Variants in PTPRM observed in about 807,000 individuals in gnomAD.
PTPRM encodes the protein protein tyrosine phosphatase receptor type M.
In PTPRM, 47 loss-of-function variants were observed where a neutral mutation model predicts 186.7. That is an observed-to-expected ratio of 0.25 (90% CI 0.20 to 0.32). The LOEUF is 0.32. PTPRM is among the 10% of genes least tolerant of loss of function. The pLI, the probability that PTPRM is intolerant of heterozygous loss-of-function variation, is 1.00. For missense variants in PTPRM, 1,494 were observed against 1,865.0 expected (o/e 0.80, Z 3.66); for synonymous variants, 668 against 674.9 (o/e 0.99, Z 0.16).
intron 2 of PTPRM, among the ~76,000 whole-genome samples, chr18:7,792,922 C>T (rs1287372735): frequency 6.6e-6 from 1 of 152,028 alleles, no homozygotes; most frequent in Non-Finnish European, 1.5e-5. Flanking sequence ...ACCTTGGCCT[C>T]CCAGATATTA....
chr18:7,770,097 G>A (rs2042206043), intron 1 of PTPRM, among the ~76,000 whole-genome samples: 1 of 152,202 alleles, frequency 6.6e-6, no homozygotes, highest in African/African-American at 2.4e-5. Flanking sequence ...AGGTGTGACA[G>A]TTCTGGAGAA....
chr18:8,009,352 GA>G (rs1181782826), intron 7 of PTPRM, among the ~76,000 whole-genome samples: 1 of 150,182 alleles, frequency 6.7e-6, no homozygotes, highest in Non-Finnish European at 1.5e-5. Context: ...CTGAAAGCCT[GA>G]AAGAGCCCAT....
chr18:8,352,209 G>A (rs1309021285), intron 23 of PTPRM, among the ~76,000 whole-genome samples: 2 of 152,194 alleles, frequency 1.3e-5, no homozygotes, highest in African/African-American at 4.8e-5. Context: ...TACCAACAAA[G>A]GGACTCATTC....
chr18:8,266,699 G>A (rs2094704959), intron 19 of PTPRM, among the ~76,000 whole-genome samples: 1 of 152,142 alleles, frequency 6.6e-6, no homozygotes, highest in South Asian at 2.1e-4. Context: ...CACAAGGTGA[G>A]GAGTTTGAGA....
intron 7 of PTPRM, among the ~76,000 whole-genome samples, chr18:7,982,607 T>G (rs901667279): frequency 2.0e-5 from 3 of 152,106 alleles, no homozygotes; most frequent in Admixed American, 1.3e-4. Context: ...GTAACATAGT[T>G]GTCTATTATC....
intron 8 of PTPRM, among the ~76,000 whole-genome samples, chr18:8,075,842 G>T (rs992673826): frequency 6.6e-6 from 1 of 151,890 alleles, no homozygotes; most frequent in African/African-American, 2.4e-5. Flanking sequence ...TTATCATTCA[G>T]TGTTATGGTT....
chr18:7,654,063 G>A (rs992958937), intron 1 of PTPRM, among the ~76,000 whole-genome samples: 2 of 152,160 alleles, frequency 1.3e-5, no homozygotes, highest in African/African-American at 4.8e-5. Context: ...TTTCTCTAAT[G>A]ATCGGTGATG....
chr18:8,009,863 T>A (rs2084418409), intron 7 of PTPRM, among the ~76,000 whole-genome samples: 1 of 152,184 alleles, frequency 6.6e-6, no homozygotes, highest in Non-Finnish European at 1.5e-5. Context: ...TGAAAGAAAC[T>A]AGAACTCGAG....
intron 24 of PTPRM, 30 bp downstream of exon 24, chr18:8,371,036 T>C (rs1326048057): frequency 1.5e-6 from 2 of 1,376,626 alleles, no homozygotes; most frequent in Non-Finnish European, 2.1e-6. Flanking sequence ...TTAAAAGCTA[T>C]GGTCAGACAC....
chr18:8,404,385 G>T (rs1460158982), intron 32 of PTPRM: 1 of 152,228 alleles, frequency 6.6e-6, no homozygotes, highest in African/African-American at 2.4e-5. Context: ...CAGTACATGT[G>T]TATTGAGTTG....
chr18:7,998,653 A>G (rs2083685507), intron 7 of PTPRM, among the ~76,000 whole-genome samples: 1 of 152,044 alleles, frequency 6.6e-6, no homozygotes, highest in South Asian at 2.1e-4. Flanking sequence ...CTTTTATACA[A>G]CATTTTTTTT....
At chr18:8,344,921 G>GGA (rs948590763) in intron 23 of PTPRM, among the ~76,000 whole-genome samples, 1 of 152,152 alleles carries the variant, frequency 6.6e-6, no homozygotes, top group African/African-American at 2.4e-5. Context: ...GTAGGGAGAG[G>GGA]GAGGAGGGAG....
chr18:8,363,354 G>A (rs1242291829), intron 23 of PTPRM, among the ~76,000 whole-genome samples: 3 of 152,180 alleles, frequency 2.0e-5, no homozygotes, highest in South Asian at 2.1e-4. Context: ...GGGCCAGAAC[G>A]GTTCTGTGAC....
chr18:7,984,527 A>G (rs971916009), intron 7 of PTPRM, among the ~76,000 whole-genome samples: 24 of 139,064 alleles, frequency 1.7e-4, no homozygotes, highest in African/African-American at 6.1e-4. Context: ...TTTAATTTTT[A>G]ATTTTTGTGG....
intron 14 of PTPRM, among the ~76,000 whole-genome samples, chr18:8,221,205 A>G (rs1337187724): frequency 1.3e-5 from 2 of 152,152 alleles, no homozygotes; most frequent in African/African-American, 4.8e-5. Flanking sequence ...ATTATAACCC[A>G]AAGTTTACTC....
chr18:7,678,917 AT>A (rs1024847018), intron 1 of PTPRM, among the ~76,000 whole-genome samples: 1 of 152,074 alleles, frequency 6.6e-6, no homozygotes, highest in African/African-American at 2.4e-5. Context: ...TGAGAGTGGG[AT>A]TTCTGAGTCA....
chr18:8,244,912 G>A (rs1380011106), intron 15 of PTPRM, among the ~76,000 whole-genome samples: 1 of 152,224 alleles, frequency 6.6e-6, no homozygotes, highest in Admixed American at 6.5e-5. Flanking sequence ...GTGAGTTCAA[G>A]GTCGGGGGTT....
At chr18:8,017,153 C>T (rs549402658) in intron 7 of PTPRM, among the ~76,000 whole-genome samples, 1 of 152,072 alleles carries the variant, frequency 6.6e-6, no homozygotes, top group Non-Finnish European at 1.5e-5. Flanking sequence ...ATAAGGACCA[C>T]GTATTTATTA....
At chr18:7,875,238 A>G (rs960169099) in intron 2 of PTPRM, among the ~76,000 whole-genome samples, 2 of 152,112 alleles carry the variant, frequency 1.3e-5, no homozygotes, top group African/African-American at 4.8e-5. Flanking sequence ...GATAAGTGAC[A>G]TATCCCACAG....
Sources: gnomAD v4.1 joint callset for allele counts (sites outside exome capture counted in the v4.1 genomes callset) on GRCh38, gnomAD v4.1.1 for gene constraint, MANE v1.5 for transcripts, NCBI Gene and HGNC (gene_info 2026-07-23, HGNC 2026-07-21) for gene names.